AKAP1: variants seen among roughly 807,000 people sequenced by gnomAD.
AKAP1 encodes A-kinase anchor protein 1, mitochondrial.
Under a neutral mutation model 79.8 loss-of-function variants are expected in AKAP1, and 32 were observed. The observed-to-expected ratio is 0.40, with a 90% CI of 0.30 to 0.54. The LOEUF (loss-of-function observed/expected upper bound fraction) is 0.54. AKAP1 is among the 20% of genes least tolerant of loss of function. AKAP1 has a pLI of 0.47. For missense variants in AKAP1, 961 were observed against 1,138.9 expected, an observed-to-expected ratio of 0.84 and a Z score of 2.25; for synonymous variants, 416 against 466.7, an observed-to-expected ratio of 0.89 and a Z score of 1.40.
chr17:57,103,118 G>A (rs974937024), intron 1 of AKAP1, among the ~76,000 whole-genome samples: 2 of 152,150 alleles, frequency 1.3e-5, no homozygotes, highest in Non-Finnish European at 2.9e-5. Flanking sequence ...GAAGCAAAAC[G>A]GTAGCACTAA....
In AKAP1 at chr17:57,112,552, C is replaced by T. The variant is rs139228347; in HGVS notation, c.2037C>T (p.Asn679=). The T allele has an allele frequency of 1.9e-4, 313 of 1,614,172 alleles. 1 individual carries two copies. In the African/African-American group the frequency reaches 3.7e-3, roughly 19 times the overall value. ...TTGGGAAGAAGTTCAAAGAGCTGAA[C>T]CTCACCAATATCTACGCTCCCCCAT... ...NLIGKKFKEL[N]LTNIYAPPLP... The change falls in exon 5 of 11, where the codon AAC becomes AAT. Residue 679 remains asparagine (N), a synonymous_variant. Transcript: ENST00000337714.
At position 57,106,023 on chromosome 17, in the gene AKAP1, G is replaced by A. The variant is rs762201999; in HGVS notation, c.559G>A (p.Ala187Thr). 2.7e-5 allele frequency: 44 copies of A among 1,613,346 alleles called. No individual in the cohort carries two copies. Among genetic ancestry groups the A allele is most frequent in the Middle Eastern group, 1.6e-4 (1 of 6,080 alleles). ...KVQPGYPVVPAEKRSSGERAR... is the reference protein window; with the variant it reads ...KVQPGYPVVPTEKRSSGERAR... ...CCAGCCAGGCTACCCCGTAGTCCCCGCAGAGAAGCGTAGCTCTGGGGAGAG... is the reference window on the plus strand; with the variant it reads ...CCAGCCAGGCTACCCCGTAGTCCCCACAGAGAAGCGTAGCTCTGGGGAGAG... Residue 187 changes from alanine (A) to threonine (T), a missense_variant, in exon 2 of 11, where the codon GCA becomes ACA. Physicochemically the swap from Ala to Thr is moderately conservative, Grantham distance 58. Around this residue, in one of 3 missense-constraint regions of AKAP1, gnomAD observed 224 missense variants for 210.2 expected, o/e 1.07. Coordinates refer to ENST00000337714, the MANE Select transcript of AKAP1 (RefSeq NM_003488.4).
intron 1 of AKAP1, among the ~76,000 whole-genome samples, chr17:57,100,083 GCAGA>G (rs1834951225): frequency 6.6e-6 from 1 of 152,190 alleles, no homozygotes. Context: ...TGTGTTTTGA[GCAGA>G]CAGCCAATTA....
intron 1 of AKAP1, among the ~76,000 whole-genome samples, chr17:57,089,469 A>T (rs978963191): frequency 5.3e-5 from 8 of 152,290 alleles, no homozygotes; most frequent in South Asian, 2.1e-4. Context: ...AAGTATTTTT[A>T]AAAAAATTTC....
chr17:57,116,051 T>C, intron 6 of AKAP1, 60 bp from the exon 7 acceptor site: 1 of 1,577,156 alleles, frequency 6.3e-7, no homozygotes, highest in South Asian at 1.1e-5. Flanking sequence ...AGTGGCCAGG[T>C]GGCCCTTGGT....
rs1268895194 is a variant in AKAP1, at chr17:57,086,012, G to T, written c.-25+614G>T. On this transcript the variant is annotated intron_variant, in intron 1 of 10. Transcript: ENST00000337714. The surrounding 1 kb of genome is among the most constrained non-coding windows in gnomAD (Gnocchi z 5.1). The stretch of plus-strand genomic sequence containing the variant: ...ACTGGGAAGATGGGCCGGGACATCG[G>T]CCGGTTGTGATCCAACCGTGTTTCG... The T allele has an allele frequency of 1.6e-5, 3 of 185,524 alleles. No individual in the cohort carries two copies. The highest frequency in any genetic ancestry group is 3.5e-5 in the Non-Finnish European group (3 of 86,806). The allele number at this position is 185,524 out of a possible 1,614,324, so 11.5% of individuals were successfully genotyped here.
chr17:57,105,506 T>G lies in AKAP1; in HGVS notation c.42T>G (p.Pro14=). The G allele has an allele frequency of 1.2e-6, 2 of 1,614,160 alleles. No individual in the cohort carries two copies. Among genetic ancestry groups the G allele is most frequent in the Non-Finnish European group, 1.7e-6 (2 of 1,180,028 alleles). ...GTTCGCTCTTCCCCTTGGCATTGCC[T>G]GGGATGCTGGCGCTCCTCGGCTGGT... ...QFRSLFPLAL[P]GMLALLGWWW... The change falls in exon 2 of 11, where the codon CCT becomes CCG. Residue 14 remains proline (P), a synonymous_variant. Transcript: ENST00000337714.
chr17:57,115,808 A>C (rs549463216), intron 6 of AKAP1, among the ~76,000 whole-genome samples: 1 of 152,144 alleles, frequency 6.6e-6, no homozygotes, highest in Non-Finnish European at 1.5e-5. Flanking sequence ...ATTCCTATTC[A>C]TCTGTGTCCC....
rs571604920 is a variant in AKAP1 at position 57,110,929 on chromosome 17, G to T, written c.1848+771G>T. ...GGGCTCAGAAATAATTTGTCAGACCGCATTCTCCCAGGGCCCTGGGCTCTG... is the reference window on the plus strand; with the variant it reads ...GGGCTCAGAAATAATTTGTCAGACCTCATTCTCCCAGGGCCCTGGGCTCTG... On this transcript the variant is annotated intron_variant, in intron 3 of 10. Transcript: ENST00000337714. Among the ~76,000 whole-genome samples, 33 of 152,074 alleles carry T rather than the reference G, an allele frequency of 2.2e-4. No individual in the cohort carries two copies. The South Asian group carries it at 5.6e-3, about 26-fold the overall frequency.
Position 57,103,483 on chromosome 17 carries a change from G to A in AKAP1, c.-24-1958G>A, listed in dbSNP as rs58350392. On this transcript the variant is annotated intron_variant, in intron 1 of 10. Transcript: ENST00000337714. ...CATGGATCGCACTTTCAGAAGCAGAGTCCTAGAGTAGTGGTTCCCAGCCTT... is the reference window on the plus strand; with the variant it reads ...CATGGATCGCACTTTCAGAAGCAGAATCCTAGAGTAGTGGTTCCCAGCCTT... Among the ~76,000 whole-genome samples, 1,304 of 152,340 alleles carry A rather than the reference G, an allele frequency of 8.6e-3. 6 individuals are homozygous for A. The highest frequency in any genetic ancestry group is 0.027 in the Middle Eastern group (8 of 294).
Position 57,119,060 on chromosome 17 carries a change from CT to C in AKAP1, c.2637+20del. 6.2e-7 allele frequency: 1 copy of C among 1,612,580 alleles called. No individual in the cohort carries two copies. The highest frequency in any genetic ancestry group is 8.5e-7 in the Non-Finnish European group (1 of 1,178,696). The stretch of plus-strand genomic sequence containing the variant: ...TGGAGATGAAGTAAGTTCTGCCCTT[CT>C]TTTCCTTCTGTGTTGCTGGCCCGAA... On this transcript the variant is annotated intron_variant, in intron 10 of 10. Transcript: ENST00000337714.
chr17:57,103,971 A>G (rs1331486899), intron 1 of AKAP1, among the ~76,000 whole-genome samples: 2 of 151,932 alleles, frequency 1.3e-5, no homozygotes, highest in South Asian at 2.1e-4. Context: ...TTAGGTTTCT[A>G]GGTTCCTTCT....
intron 8 of AKAP1, among the ~76,000 whole-genome samples, chr17:57,117,628 G>A (rs961697283): frequency 6.6e-6 from 1 of 152,136 alleles, no homozygotes; most frequent in African/African-American, 2.4e-5. Flanking sequence ...AGCTGGAGTC[G>A]GCTTAGAGGG....
chr17:57,089,867 T>A (rs568339092), intron 1 of AKAP1, among the ~76,000 whole-genome samples: 1 of 152,360 alleles, frequency 6.6e-6, no homozygotes, highest in African/African-American at 2.4e-5. Flanking sequence ...GTCCAGATGC[T>A]AAGCCCTTAG....
chr17:57,116,339 T>C, intron 7 of AKAP1, 78 bp downstream of exon 7: 8 of 1,567,792 alleles, frequency 5.1e-6, no homozygotes, highest in Non-Finnish European at 7.0e-6. Flanking sequence ...GGCTCAGTTG[T>C]GCCAGGGCTT....
chr17:57,095,439 G>A (rs1914041927), intron 1 of AKAP1: 1 of 150,042 alleles, frequency 6.7e-6, no homozygotes, highest in Non-Finnish European at 1.5e-5. Flanking sequence ...TTGTAGGCGT[G>A]AGCTACCGTG....
chr17:57,109,182 T>C (rs748621572), intron 2 of AKAP1, among the ~76,000 whole-genome samples: 19 of 152,252 alleles, frequency 1.2e-4, no homozygotes, highest in Non-Finnish European at 2.5e-4. Context: ...GATCTATTTC[T>C]GGTGATTGAG....
intron 1 of AKAP1, among the ~76,000 whole-genome samples, chr17:57,089,513 G>C (rs1476105773): frequency 6.6e-6 from 1 of 152,114 alleles, no homozygotes; most frequent in African/African-American, 2.4e-5. Context: ...GGTTCTCAGT[G>C]GCCTCGTGTA....
In AKAP1 at chr17:57,086,653, C is replaced by T; in HGVS notation, c.-25+1255C>T. 3.1e-6 allele frequency: 1 copy of T among 324,662 alleles called. No individual in the cohort carries two copies. Among genetic ancestry groups the T allele is most frequent in the Non-Finnish European group, 6.1e-6 (1 of 164,134 alleles). 20.1% of individuals were successfully genotyped at this position (324,662 alleles called of 1,614,324 possible). On this transcript the variant is annotated intron_variant, in intron 1 of 10. Transcript: ENST00000337714. The surrounding 1 kb of genome is among the most constrained non-coding windows in gnomAD (Gnocchi z 5.1). Reference sequence around the variant, plus strand: ...CGTTACTTCGTGTTTAGATTTGTCTCCAGTGAAATCTAGGCTGCTGGACCT... The same window carrying T: ...CGTTACTTCGTGTTTAGATTTGTCTTCAGTGAAATCTAGGCTGCTGGACCT...
Sources: allele counts gnomAD v4.1 joint callset (sites outside exome capture counted in the v4.1 genomes callset), GRCh38; gene constraint gnomAD v4.1.1; regional missense constraint gnomAD v4.1.1; non-coding constraint Gnocchi (gnomAD v3.1); transcripts MANE v1.5; gene names NCBI Gene and HGNC (gene_info 2026-07-23, HGNC 2026-07-21).